The following F13A1 variants were observed in gnomAD, a reference collection of about 807,000 sequenced individuals.
The protein encoded by F13A1 is coagulation factor XIII A chain.
F13A1 carries 47 observed loss-of-function variants against 80.1 expected under a neutral mutation model. The ratio of observed to expected loss-of-function variants is 0.59; its 90% CI spans 0.46 to 0.75. The LOEUF (loss-of-function observed/expected upper bound fraction) is 0.75. Among genes scored for constraint, F13A1 ranks in the 30% least tolerant of loss-of-function variants. The pLI, the probability that F13A1 is intolerant of heterozygous loss-of-function variation, is 0.00. For missense variants in F13A1, 817 were observed against 930.4 expected (o/e 0.88, Z 1.59); for synonymous variants, 349 against 344.9 (o/e 1.01, Z -0.13).
intron 2 of F13A1, among the ~76,000 whole-genome samples, chr6:6,314,231 C>T (rs1417169491): frequency 2.6e-5 from 4 of 152,052 alleles, no homozygotes; most frequent in African/African-American, 7.3e-5. Flanking sequence ...CTGCCCACCT[C>T]GGCCTCCCAA....
chr6:6,309,154 A>C (rs1758556074), intron 2 of F13A1, among the ~76,000 whole-genome samples: 1 of 152,218 alleles, frequency 6.6e-6, no homozygotes, highest in Non-Finnish European at 1.5e-5. Context: ...GGAATGTTAT[A>C]AGTGTGCTAT....
intron 10 of F13A1, among the ~76,000 whole-genome samples, chr6:6,195,465 C>T (rs915089902): frequency 5.3e-5 from 8 of 152,204 alleles, no homozygotes; most frequent in African/African-American, 1.9e-4. Flanking sequence ...CATGACCCAT[C>T]TCTTCCAATG....
intron 8 of F13A1, among the ~76,000 whole-genome samples, chr6:6,204,203 G>A (rs745962954): frequency 2.4e-4 from 36 of 152,178 alleles, no homozygotes; most frequent in Non-Finnish European, 4.6e-4. Flanking sequence ...ACAGTCCACA[G>A]GGTCATCTCA....
intron 8 of F13A1, among the ~76,000 whole-genome samples, chr6:6,204,103 T>C (rs944207654): frequency 2.0e-5 from 3 of 152,170 alleles, no homozygotes; most frequent in Non-Finnish European, 4.4e-5. Flanking sequence ...CAACATGGGC[T>C]TCAGGGTGCT....
intron 3 of F13A1, among the ~76,000 whole-genome samples, chr6:6,289,251 C>A (rs1389674116): frequency 1.3e-5 from 2 of 152,012 alleles, no homozygotes; most frequent in Non-Finnish European, 2.9e-5. Flanking sequence ...TGGGCACTGC[C>A]TTGAGTCCAA....
At chr6:6,178,079 G>A (rs369533382) in intron 11 of F13A1, among the ~76,000 whole-genome samples, 169 of 151,662 alleles carry the variant, frequency 1.1e-3, no homozygotes, top group African/African-American at 3.8e-3. Flanking sequence ...GCAGTGCTGG[G>A]AGAGGCTCAG....
chr6:6,168,132 T>C (rs1760709951), intron 12 of F13A1, among the ~76,000 whole-genome samples: 1 of 152,208 alleles, frequency 6.6e-6, no homozygotes, highest in Admixed American at 6.5e-5. Flanking sequence ...CTCTCCAATC[T>C]GATATGATTT....
intron 3 of F13A1, among the ~76,000 whole-genome samples, chr6:6,275,543 A>G (rs1757976822): frequency 6.6e-6 from 1 of 151,922 alleles, no homozygotes. Flanking sequence ...TAATTTTTGT[A>G]CTTTTAGTAG....
chr6:6,288,772 T>C (rs925578055), intron 3 of F13A1, among the ~76,000 whole-genome samples: 1 of 152,244 alleles, frequency 6.6e-6, no homozygotes, highest in Non-Finnish European at 1.5e-5. Flanking sequence ...TTCCCACTAA[T>C]AGTGTATAGG....
At chr6:6,277,059 T>C (rs1481614994) in intron 3 of F13A1, among the ~76,000 whole-genome samples, 3 of 152,116 alleles carry the variant, frequency 2.0e-5, no homozygotes, top group Non-Finnish European at 4.4e-5. Flanking sequence ...CCCTTTCCTT[T>C]TGCTGTTTAG....
In F13A1 at chr6:6,248,257, T is replaced by C. The variant is rs1205025800; in HGVS notation, c.798+55A>G. 2.9e-6 allele frequency: 4 copies of C among 1,385,536 alleles called. No individual in the cohort carries two copies. The Admixed American group carries it at 5.1e-5, about 17-fold the overall frequency. The allele number at this position is 1,385,536 out of a possible 1,614,324, so 85.8% of individuals were successfully genotyped here. A position where few individuals can be genotyped will look rare whatever the true frequency, so the allele number is the denominator to read the frequency against. On this transcript the variant is annotated intron_variant, in intron 6 of 14. Coordinates refer to ENST00000264870, the MANE Select transcript of F13A1 (RefSeq NM_000129.4). ...GCAGCTCTTAATGAACTGGCATATA[T>C]ACTGAGGCAAATGACAGGTGTAACA...
intron 3 of F13A1, among the ~76,000 whole-genome samples, chr6:6,293,248 G>A (rs1758249809): frequency 6.6e-6 from 1 of 152,080 alleles, no homozygotes; most frequent in Admixed American, 6.5e-5. Flanking sequence ...TTGAGGGGGA[G>A]ACCTGGTAAG....
At chr6:6,198,367 T>A (rs182387906) in intron 8 of F13A1, among the ~76,000 whole-genome samples, 2 of 152,324 alleles carry the variant, frequency 1.3e-5, no homozygotes, top group Admixed American at 1.3e-4. Flanking sequence ...CATTAACCCC[T>A]CAGCACTATA....
intron 13 of F13A1, 37 bp from the exon 14 acceptor site, chr6:6,151,986 A>C (rs902964914): frequency 1.2e-6 from 2 of 1,612,254 alleles, no homozygotes; most frequent in Non-Finnish European, 1.7e-6. Context: ...CACCAAATAA[A>C]ACCTCGTTCT....
chr6:6,283,882 G>C (rs896873540), intron 3 of F13A1, among the ~76,000 whole-genome samples: 1 of 152,194 alleles, frequency 6.6e-6, no homozygotes, highest in Admixed American at 6.5e-5. Context: ...AGAGAAGATA[G>C]AACTAACTGC....
chr6:6,246,505 C>T, intron 6 of F13A1, among the ~76,000 whole-genome samples: 1 of 149,414 alleles, frequency 6.7e-6, no homozygotes, highest in East Asian at 1.9e-4. Flanking sequence ...TTCTCCCCCT[C>T]CAAAAATAAA....
chr6:6,261,232 G>C (rs1005876542), intron 4 of F13A1, among the ~76,000 whole-genome samples: 1 of 152,194 alleles, frequency 6.6e-6, no homozygotes, highest in African/African-American at 2.4e-5. Flanking sequence ...CTCCCGAAGT[G>C]CTGGGATTAC....
chr6:6,190,302 T>G (rs966361519), intron 10 of F13A1, among the ~76,000 whole-genome samples: 117 of 152,286 alleles, frequency 7.7e-4, no homozygotes, highest in African/African-American at 2.3e-3. Context: ...GAGGCGCTCT[T>G]CTTTCTAGAG....
chr6:6,266,254 C>T lies in F13A1; in HGVS notation c.571+304G>A, dbSNP rs542852164. Among the ~76,000 whole-genome samples, 33 of 152,178 alleles carry T rather than the reference C, an allele frequency of 2.2e-4. No homozygotes were observed. In the South Asian group the frequency reaches 2.7e-3, roughly 12 times the overall value. On this transcript the variant is annotated intron_variant, in intron 4 of 14. Transcript: ENST00000264870. ...CTTGTTTTTTTTCTTTTTTCAAAGA[C>T]GGAGTCTTGCTCTGTTGCCCAGGCT...
Sources: allele counts gnomAD v4.1 joint callset (sites outside exome capture counted in the v4.1 genomes callset), GRCh38; gene constraint gnomAD v4.1.1; transcripts MANE v1.5; gene names NCBI Gene and HGNC (gene_info 2026-07-23, HGNC 2026-07-21).